Variants in PHACTR4 observed in about 807,000 individuals in gnomAD.
PHACTR4 encodes phosphatase and actin regulator 4.
Under a neutral mutation model 72.7 loss-of-function variants are expected in PHACTR4, and 51 were observed. That is an observed-to-expected ratio of 0.70 (90% CI 0.56 to 0.89). The LOEUF (loss-of-function observed/expected upper bound fraction) is 0.89. Ranked by LOEUF, PHACTR4 falls within the 40% of genes least tolerant of loss-of-function variation. The probability of loss-of-function intolerance (pLI) is 0.00; values close to 1 mark genes in which losing one functional copy is unlikely to be tolerated. For missense variants in PHACTR4, 731 were observed against 861.8 expected (o/e 0.85, Z 1.90); for synonymous variants, 255 against 302.5 (o/e 0.84, Z 1.63).
chr1:28,492,652 C>T (rs991985879), intron 12 of PHACTR4, among the ~76,000 whole-genome samples: 6 of 151,286 alleles, frequency 4.0e-5, no homozygotes, highest in Non-Finnish European at 5.9e-5. Context: ...CCCAGCTATT[C>T]GGGAGGCTGA....
At chr1:28,475,199 C>A (rs1356447404) in intron 7 of PHACTR4, among the ~76,000 whole-genome samples, 1 of 152,126 alleles carries the variant, frequency 6.6e-6, no homozygotes, top group Non-Finnish European at 1.5e-5. Flanking sequence ...AGTCTGCCTG[C>A]CTCAACCTCC....
At chr1:28,433,168 A>ATCTCTTGTT in intron 2 of PHACTR4, 2 of 818,072 alleles carry the variant, frequency 2.4e-6, no homozygotes, top group African/African-American at 1.9e-5. Context: ...CTTATTAGCT[A>ATCTCTTGTT]ACAAATAACA....
rs578252025 is a variant in PHACTR4, at chr1:28,460,115, A to G, written c.191-97A>G. The G allele has an allele frequency of 1.5e-5, 10 of 681,768 alleles. No individual in the cohort carries two copies. The African/African-American group carries it at 1.8e-4, about 13-fold the overall frequency. The allele number at this position is 681,768 out of a possible 1,614,324, so 42.2% of individuals were successfully genotyped here. A position where few individuals can be genotyped will look rare whatever the true frequency, so the allele number is the denominator to read the frequency against. ...TTCTTTCCTGAGAATATAAACTTAA[A>G]CTACTTTATTCTTTTACCTGTAGAA... is the stretch of plus-strand genomic sequence containing the variant. On this transcript the variant is annotated intron_variant, in intron 3 of 13. Coordinates refer to ENST00000373839, the MANE Select transcript of PHACTR4 (RefSeq NM_001048183.3).
rs1658018366 is a variant in PHACTR4, at chr1:28,452,093, C to T, written c.17-6992C>T. 1.3e-5 allele frequency among the ~76,000 whole-genome samples: 2 copies of T among 152,080 alleles called. 1 individual carries two copies. Among genetic ancestry groups the T allele is most frequent in the South Asian group, 4.1e-4 (2 of 4,836 alleles). On this transcript the variant is annotated intron_variant, in intron 2 of 13. Transcript: ENST00000373839. Reference sequence around the variant, plus strand: ...TATACTTAAAAGAACTCTTAGAATCCAGATTACAGTTGACCTTTAAACAAC... The same window carrying T: ...TATACTTAAAAGAACTCTTAGAATCTAGATTACAGTTGACCTTTAAACAAC...
At chr1:28,421,158 C>T (rs1004690141) in intron 2 of PHACTR4, among the ~76,000 whole-genome samples, 2 of 152,134 alleles carry the variant, frequency 1.3e-5, no homozygotes, top group African/African-American at 4.8e-5. Flanking sequence ...TCAAAATGAC[C>T]TTTCATGATC....
At chr1:28,479,637 G>A (rs1403316272) in intron 8 of PHACTR4, among the ~76,000 whole-genome samples, 1 of 150,408 alleles carries the variant, frequency 6.6e-6, no homozygotes, top group Non-Finnish European at 1.5e-5. Flanking sequence ...TATAATCCCT[G>A]CACTTTGGGA....
intron 4 of PHACTR4, 59 bp downstream of exon 4, chr1:28,460,351 C>A: frequency 2.5e-6 from 3 of 1,209,006 alleles, no homozygotes; most frequent in South Asian, 1.3e-5. Context: ...TTGATTGGGT[C>A]TGACGAGATA....
intron 2 of PHACTR4, among the ~76,000 whole-genome samples, chr1:28,421,684 C>T (rs1362792419): frequency 6.6e-6 from 1 of 152,084 alleles, no homozygotes; most frequent in Non-Finnish European, 1.5e-5. Flanking sequence ...CAGTCTTTTC[C>T]TCACTTCAGT....
At chr1:28,425,466 CTATT>C (rs1343993500) in intron 2 of PHACTR4, among the ~76,000 whole-genome samples, 1 of 152,146 alleles carries the variant, frequency 6.6e-6, no homozygotes, top group Non-Finnish European at 1.5e-5. Context: ...GATATAAACA[CTATT>C]TATATAGTCA....
At chr1:28,480,713 C>A in intron 9 of PHACTR4, 109 bp downstream of exon 9, 1 of 1,422,616 alleles carries the variant, frequency 7.0e-7, no homozygotes, top group Non-Finnish European at 9.7e-7. Context: ...TTTTCTGAGA[C>A]AGGGTCTTGC....
chr1:28,489,110 CT>C, intron 9 of PHACTR4, 59 bp from the exon 10 acceptor site: 2 of 1,455,912 alleles, frequency 1.4e-6, no homozygotes, highest in Middle Eastern at 1.8e-4. Flanking sequence ...CCAAAAAAAT[CT>C]TTATAAACAA....
intron 9 of PHACTR4, among the ~76,000 whole-genome samples, chr1:28,482,128 C>T (rs2124527134): frequency 6.6e-6 from 1 of 152,116 alleles, no homozygotes; most frequent in Admixed American, 6.6e-5. Flanking sequence ...GATCTCCTGA[C>T]TCAGGTGATC....
intron 1 of PHACTR4, among the ~76,000 whole-genome samples, chr1:28,395,834 T>TTTTTTTTTTTTTTTTTTTG (rs1653455642): frequency 8.6e-6 from 1 of 116,702 alleles, no homozygotes; most frequent in African/African-American, 4.2e-5. Flanking sequence ...TTTTTTTTTT[T>TTTTTTTTTTTTTTTTTTTG]TTTTTTTTAG....
intron 4 of PHACTR4, among the ~76,000 whole-genome samples, chr1:28,462,164 C>T (rs1299853572): frequency 1.3e-5 from 2 of 152,018 alleles, no homozygotes; most frequent in East Asian, 1.9e-4. Context: ...TCCGCCACCA[C>T]ACCTGGCTAA....
At chr1:28,396,253 C>T (rs1653491583) in intron 1 of PHACTR4, among the ~76,000 whole-genome samples, 1 of 151,782 alleles carries the variant, frequency 6.6e-6, no homozygotes, top group African/African-American at 2.4e-5. Context: ...TGCATGTAGC[C>T]AGGCACGGTG....
chr1:28,462,545 T>G (rs918645707), intron 4 of PHACTR4, among the ~76,000 whole-genome samples: 4 of 151,802 alleles, frequency 2.6e-5, no homozygotes, highest in Non-Finnish European at 4.4e-5. Context: ...TTTTTGTATT[T>G]TTAATAGACA....
intron 2 of PHACTR4, among the ~76,000 whole-genome samples, chr1:28,453,255 A>T (rs1297104988): frequency 6.6e-6 from 1 of 152,192 alleles, no homozygotes; most frequent in East Asian, 1.9e-4. Context: ...ATGCTGTATG[A>T]TGCTAATTTT....
At chr1:28,378,113 C>T (rs1298179681) in intron 1 of PHACTR4, among the ~76,000 whole-genome samples, 3 of 147,278 alleles carry the variant, frequency 2.0e-5, no homozygotes, top group East Asian at 3.9e-4. Context: ...AGGAGAATGG[C>T]GTGAACCTGG....
chr1:28,456,588 C>G (rs1030438267), intron 2 of PHACTR4, among the ~76,000 whole-genome samples: 3 of 151,936 alleles, frequency 2.0e-5, no homozygotes, highest in African/African-American at 7.3e-5. Flanking sequence ...CTCAGCCTCG[C>G]AAGTAGCTGG....
Sources: allele counts gnomAD v4.1 joint callset (sites outside exome capture counted in the v4.1 genomes callset), GRCh38; gene constraint gnomAD v4.1.1; transcripts MANE v1.5; gene names NCBI Gene and HGNC (gene_info 2026-07-23, HGNC 2026-07-21).